CNTN5: variants seen among roughly 807,000 people sequenced by gnomAD.
CNTN5 encodes the protein contactin-5.
A neutral mutation model predicts 129.1 loss-of-function variants in CNTN5; 77 were observed. The ratio of observed to expected loss-of-function variants is 0.60; its 90% CI spans 0.50 to 0.72. The LOEUF (loss-of-function observed/expected upper bound fraction) is 0.72, where lower values mean the gene tolerates loss of function less well. Among genes scored for constraint, CNTN5 ranks in the 30% least tolerant of loss-of-function variants. The pLI is 0.00. For synonymous variants in CNTN5, 509 were observed against 465.6 expected (o/e 1.09, Z -1.20); for missense variants, 1,478 against 1,328.8 (o/e 1.11, Z -1.75).
chr11:99,842,187 A>C (rs912429355), intron 4 of CNTN5, among the ~76,000 whole-genome samples: 1 of 151,042 alleles, frequency 6.6e-6, no homozygotes, highest in Non-Finnish European at 1.5e-5. Context: ...AAGCCACCAC[A>C]CCCGGGTATT....
intron 1 of CNTN5, among the ~76,000 whole-genome samples, chr11:99,195,963 A>T (rs1473621624): frequency 1.3e-5 from 2 of 152,016 alleles, no homozygotes; most frequent in East Asian, 3.8e-4. Flanking sequence ...TCACTTTTTA[A>T]GTTAGTTATT....
intron 1 of CNTN5, among the ~76,000 whole-genome samples, chr11:99,066,716 C>T (rs1865118266): frequency 6.6e-6 from 1 of 152,204 alleles, no homozygotes; most frequent in East Asian, 1.9e-4. Context: ...CCTAATTGAT[C>T]AGTGGCCCCA....
chr11:99,631,545 A>G (rs1591389579), intron 3 of CNTN5, among the ~76,000 whole-genome samples: 1 of 152,018 alleles, frequency 6.6e-6, no homozygotes, highest in African/African-American at 2.4e-5. Context: ...TATTCTATTT[A>G]TTTCCTTTTA....
At chr11:100,166,471 G>A (rs1356790955) in intron 13 of CNTN5, among the ~76,000 whole-genome samples, 1 of 151,704 alleles carries the variant, frequency 6.6e-6, no homozygotes, top group Non-Finnish European at 1.5e-5. Context: ...TTCAAGGTAA[G>A]TGTTGGCATC....
chr11:99,196,357 A>G (rs1183198020), intron 1 of CNTN5, among the ~76,000 whole-genome samples: 3 of 151,952 alleles, frequency 2.0e-5, no homozygotes, highest in African/African-American at 7.2e-5. Flanking sequence ...TTGTATAACT[A>G]AATCCTTTTC....
intron 2 of CNTN5, among the ~76,000 whole-genome samples, chr11:99,493,970 C>T (rs1419644864): frequency 6.6e-6 from 1 of 152,102 alleles, no homozygotes; most frequent in Non-Finnish European, 1.5e-5. Context: ...TATACTCATT[C>T]TGATATTGGT....
Position 100,157,941 on chromosome 11 carries a change from A to C in CNTN5, c.1581-33185A>C, listed in dbSNP as rs552679535. Among the ~76,000 whole-genome samples the C allele has an allele frequency of 5.9e-5, 9 of 151,996 alleles. No individual in the cohort carries two copies. The East Asian group carries it at 1.7e-3, about 30-fold the overall frequency. On this transcript the variant is annotated intron_variant, in intron 13 of 24. Transcript: ENST00000524871. ...GGTGAATTAAAGCTCTAAATACAAA[A>C]GTAAACATAAAATTTTTAAACATGA... is the stretch of plus-strand genomic sequence containing the variant.
intron 4 of CNTN5, among the ~76,000 whole-genome samples, chr11:99,822,545 A>C (rs775195775): frequency 3.3e-5 from 5 of 152,196 alleles, no homozygotes; most frequent in Non-Finnish European, 7.3e-5. Context: ...GGATACACAT[A>C]AGTGGTATAA....
At chr11:99,677,869 A>G (rs533733494) in intron 3 of CNTN5, among the ~76,000 whole-genome samples, 1 of 152,104 alleles carries the variant, frequency 6.6e-6, no homozygotes, top group South Asian at 2.1e-4. Flanking sequence ...CAATTACCAA[A>G]AGCTTACTGT....
intron 13 of CNTN5, among the ~76,000 whole-genome samples, chr11:100,100,154 T>A (rs1565239545): frequency 6.6e-6 from 1 of 152,142 alleles, no homozygotes; most frequent in Non-Finnish European, 1.5e-5. Flanking sequence ...ATGATTAGTT[T>A]CAAAAAGATT....
At chr11:100,086,434 A>G (rs1042845559) in intron 13 of CNTN5, among the ~76,000 whole-genome samples, 5 of 150,994 alleles carry the variant, frequency 3.3e-5, no homozygotes, top group African/African-American at 9.7e-5. Flanking sequence ...GAAATAAGGT[A>G]TGCTATTTCC....
chr11:100,256,975 G>A (rs976408937), intron 17 of CNTN5, among the ~76,000 whole-genome samples: 1 of 152,082 alleles, frequency 6.6e-6, no homozygotes, highest in Non-Finnish European at 1.5e-5. Context: ...CTAGAAAGGG[G>A]GCTGAAGCCA....
At chr11:99,411,171 C>A (rs912988914) in intron 2 of CNTN5, among the ~76,000 whole-genome samples, 1 of 151,972 alleles carries the variant, frequency 6.6e-6, no homozygotes, top group South Asian at 2.1e-4. Context: ...AAGTTTTTCC[C>A]TTGTCTGTTG....
intron 17 of CNTN5, among the ~76,000 whole-genome samples, chr11:100,256,371 A>G (rs1371245338): frequency 6.6e-6 from 1 of 152,202 alleles, no homozygotes; most frequent in Non-Finnish European, 1.5e-5. Flanking sequence ...ATGAGATTCT[A>G]TGAAATTTTA....
At chr11:99,219,139 C>T (rs1273878165) in intron 1 of CNTN5, among the ~76,000 whole-genome samples, 2 of 151,950 alleles carry the variant, frequency 1.3e-5, no homozygotes, top group East Asian at 1.9e-4. Context: ...CAAATATTTA[C>T]TAAGTGACTG....
At chr11:100,115,827 A>T (rs1431981873) in intron 13 of CNTN5, among the ~76,000 whole-genome samples, 2 of 152,064 alleles carry the variant, frequency 1.3e-5, no homozygotes, top group Admixed American at 1.3e-4. Context: ...GTTACAAGGT[A>T]TTTTGGGTTT....
At chr11:100,190,977 A>C in intron 13 of CNTN5, 149 bp from the exon 14 acceptor site, 1 of 472,108 alleles carries the variant, frequency 2.1e-6, no homozygotes, top group Non-Finnish European at 3.7e-6. Context: ...GAAGGGTAAA[A>C]TATTTCTACT....
chr11:99,062,860 A>G (rs890074765), intron 1 of CNTN5, among the ~76,000 whole-genome samples: 18 of 152,138 alleles, frequency 1.2e-4, no homozygotes, highest in African/African-American at 4.1e-4. Flanking sequence ...GAATCCAAGA[A>G]ATTGTTAAAT....
At chr11:99,825,109 T>G (rs1243654871) in intron 4 of CNTN5, among the ~76,000 whole-genome samples, 1 of 152,006 alleles carries the variant, frequency 6.6e-6, no homozygotes, top group Admixed American at 6.6e-5. Flanking sequence ...TTGGAAAAAT[T>G]GCTTGTAAAA....
Sources: allele counts gnomAD v4.1 joint callset (sites outside exome capture counted in the v4.1 genomes callset), GRCh38; gene constraint gnomAD v4.1.1; transcripts MANE v1.5; gene names NCBI Gene and HGNC (gene_info 2026-07-23, HGNC 2026-07-21).